CCDC171: variants seen among roughly 807,000 people sequenced by gnomAD.
CCDC171 encodes the protein coiled-coil domain-containing protein 171.
Under a neutral mutation model 168.2 loss-of-function variants are expected in CCDC171, and 177 were observed. The ratio of observed to expected loss-of-function variants is 1.05; its 90% CI spans 0.93 to 1.19. The LOEUF is 1.19. CCDC171 is among the 50% of genes most tolerant of loss of function. The pLI is 0.00. For missense variants in CCDC171, 1,991 were observed against 1,539.0 expected (o/e 1.29, Z -4.91); for synonymous variants, 687 against 540.8 (o/e 1.27, Z -3.75).
intron 7 of CCDC171, among the ~76,000 whole-genome samples, chr9:15,654,070 T>A (rs959539931): frequency 6.6e-6 from 1 of 152,224 alleles, no homozygotes; most frequent in South Asian, 2.1e-4. Flanking sequence ...TTCAGCGGAA[T>A]GCCTGTTATT....
intron 24 of CCDC171, among the ~76,000 whole-genome samples, chr9:15,888,563 T>C (rs1180092884): frequency 6.6e-6 from 1 of 152,224 alleles, no homozygotes; most frequent in African/African-American, 2.4e-5. Context: ...TTGTAGCTCC[T>C]CTGAAACTAG....
chr9:15,623,469 GCGCGCGCACACACA>G (rs2044701062), intron 7 of CCDC171, 56 bp downstream of exon 7: 5 of 529,880 alleles, frequency 9.4e-6, no homozygotes, highest in South Asian at 8.6e-5. Context: ...ACATATGCGC[GCGCGCGCACACACA>G]CACACACACA....
intron 7 of CCDC171, among the ~76,000 whole-genome samples, chr9:15,640,922 C>G (rs1469265602): frequency 6.6e-6 from 1 of 152,060 alleles, no homozygotes; most frequent in African/African-American, 2.4e-5. Context: ...GTGTGCCCCC[C>G]TTCCCTGCCC....
downstream of CCDC171, among the ~76,000 whole-genome samples, chr9:16,066,484 A>G (rs970202355): frequency 6.9e-5 from 10 of 145,514 alleles, no homozygotes; most frequent in Admixed American, 2.0e-4. Context: ...ATTATACTTT[A>G]AGTTTTAGGG....
the CCDC171 span, among the ~76,000 whole-genome samples, chr9:16,085,828 A>G: frequency 6.6e-6 from 1 of 152,232 alleles, no homozygotes; most frequent in African/African-American, 2.4e-5. Flanking sequence ...CAAATATAAT[A>G]GAGACCACAA....
intron 21 of CCDC171, among the ~76,000 whole-genome samples, chr9:15,791,270 C>T (rs998468354): frequency 3.7e-4 from 56 of 152,140 alleles, no homozygotes; most frequent in African/African-American, 1.2e-3. Flanking sequence ...TCTTTTATTT[C>T]CTTGAGCAGT....
chr9:15,850,500 T>C (rs1023470000), intron 23 of CCDC171, among the ~76,000 whole-genome samples: 2 of 152,028 alleles, frequency 1.3e-5, no homozygotes, highest in Non-Finnish European at 2.9e-5. Context: ...AGATTTGCTT[T>C]TGCTTTATGG....
In CCDC171 at chr9:15,784,701, G is replaced by A. The variant is rs2057846613; in HGVS notation, c.3267+7G>A. The A allele has an allele frequency of 6.2e-7, 1 of 1,600,520 alleles. No individual in the cohort carries two copies. Among genetic ancestry groups the A allele is most frequent in the Non-Finnish European group, 8.5e-7 (1 of 1,169,972 alleles). On this transcript the variant is annotated splice_region_variant and intron_variant, in intron 21 of 25. Transcript: ENST00000380701. ...TCTTGGAGAAGCTGTTAAGGTAAGAGAATAAAGGGATATTTGCATAAAGGG... is the reference window on the plus strand; with the variant it reads ...TCTTGGAGAAGCTGTTAAGGTAAGAAAATAAAGGGATATTTGCATAAAGGG...
chr9:15,711,020 T>C (rs1251960964), intron 11 of CCDC171, among the ~76,000 whole-genome samples: 2 of 152,248 alleles, frequency 1.3e-5, no homozygotes, highest in Non-Finnish European at 2.9e-5. Flanking sequence ...ACATGTTTTT[T>C]TGTTCTGTAG....
At chr9:15,809,279 C>G (rs1221726036) in intron 21 of CCDC171, among the ~76,000 whole-genome samples, 3 of 152,148 alleles carry the variant, frequency 2.0e-5, no homozygotes, top group Non-Finnish European at 4.4e-5. Flanking sequence ...AGTCTAGTGT[C>G]TAGAGCAGCA....
chr9:16,037,178 T>C (rs1199752535), intron 8 of CCDC171, among the ~76,000 whole-genome samples: 1 of 152,238 alleles, frequency 6.6e-6, no homozygotes, highest in Non-Finnish European at 1.5e-5. Context: ...ATGATGTGTT[T>C]GAGGTGATGA....
At chr9:15,587,258 A>G (rs2041637902) in intron 4 of CCDC171, among the ~76,000 whole-genome samples, 1 of 152,182 alleles carries the variant, frequency 6.6e-6, no homozygotes, top group Non-Finnish European at 1.5e-5. Flanking sequence ...CTCATCTTGT[A>G]GCTGTCATAA....
intron 3 of CCDC171, among the ~76,000 whole-genome samples, chr9:15,577,553 C>T (rs1204160040): frequency 2.6e-5 from 4 of 152,118 alleles, no homozygotes; most frequent in Non-Finnish European, 5.9e-5. Context: ...ATTAGCCAGC[C>T]AATATTATAA....
chr9:15,875,688 G>T (rs942794125), intron 24 of CCDC171: 2 of 151,890 alleles, frequency 1.3e-5, no homozygotes, highest in Non-Finnish European at 2.9e-5. Context: ...TAATGTCAGT[G>T]TGTGTGTGGA....
At chr9:15,648,715 G>C (rs1409177609) in intron 7 of CCDC171, among the ~76,000 whole-genome samples, 1 of 152,050 alleles carries the variant, frequency 6.6e-6, no homozygotes, top group Non-Finnish European at 1.5e-5. Context: ...TCTTCAAGGA[G>C]AACTACAAAC....
At position 15,972,564 on chromosome 9, in the gene CCDC171, T is replaced by C. The variant is rs928172993; in HGVS notation, c.*728T>C. The C allele has an allele frequency of 6.6e-6, 1 of 152,230 alleles. No homozygotes were observed. The highest frequency in any genetic ancestry group is 1.5e-5 in the Non-Finnish European group (1 of 68,096). The allele number at this position is 152,230 out of a possible 1,614,324, so 9.4% of individuals were successfully genotyped here. ...AAAGTAGAGCAATTGTGCTGGAGGA[T>C]TTCTGTGGTATGTTTAGGCACTTCA... On this transcript the variant is annotated 3_prime_UTR_variant, in exon 26 of 26. Coordinates refer to ENST00000380701, the MANE Select transcript of CCDC171 (RefSeq NM_173550.4).
chr9:15,892,447 C>G (rs760091145), intron 24 of CCDC171, among the ~76,000 whole-genome samples: 1 of 152,104 alleles, frequency 6.6e-6, no homozygotes, highest in Admixed American at 6.6e-5. Flanking sequence ...TTTTCTGCAT[C>G]TATTGAGATA....
chr9:16,064,554 T>A (rs1356533995), downstream of CCDC171, among the ~76,000 whole-genome samples: 1 of 152,190 alleles, frequency 6.6e-6, no homozygotes, highest in Non-Finnish European at 1.5e-5. Flanking sequence ...TGATTCTTTT[T>A]AGGGCCTGTC....
At chr9:15,617,484 C>G (rs896075969) in intron 6 of CCDC171, among the ~76,000 whole-genome samples, 3 of 151,260 alleles carry the variant, frequency 2.0e-5, no homozygotes, top group Non-Finnish European at 2.9e-5. Context: ...TCATGCCATT[C>G]TCCTGCCTCA....
Sources: gnomAD v4.1 joint callset for allele counts (sites outside exome capture counted in the v4.1 genomes callset) on GRCh38, gnomAD v4.1.1 for gene constraint, MANE v1.5 for transcripts, NCBI Gene and HGNC (gene_info 2026-07-23, HGNC 2026-07-21) for gene names.